STIM1: variants seen among roughly 807,000 people sequenced by gnomAD.
The protein encoded by STIM1 is stromal interaction molecule 1.
Under a neutral mutation model 74.7 loss-of-function variants are expected in STIM1, and 25 were observed. The ratio of observed to expected loss-of-function variants is 0.33; its 90% CI spans 0.24 to 0.47. The LOEUF (loss-of-function observed/expected upper bound fraction) is 0.47. Among genes scored for constraint, STIM1 ranks in the 20% least tolerant of loss-of-function variants. The pLI, the probability that STIM1 is intolerant of heterozygous loss-of-function variation, is 1.00. For synonymous variants in STIM1, 328 were observed against 348.8 expected, an observed-to-expected ratio of 0.94 and a Z score of 0.66; for missense variants, 728 against 920.8, an observed-to-expected ratio of 0.79 and a Z score of 2.71.
chr11:3,920,801 T>A lies in STIM1; in HGVS notation c.140-46751T>A, dbSNP rs573992305. 6.9e-3 allele frequency among the ~76,000 whole-genome samples: 1,041 copies of A among 151,878 alleles called. 8 individuals are homozygous for A. Among genetic ancestry groups the A allele is most frequent in the African/African-American group, 0.019 (788 of 41,398 alleles). On this transcript the variant is annotated intron_variant, in intron 1 of 12. Coordinates refer to ENST00000526596, the MANE Select transcript of STIM1 (RefSeq NM_001382567.1). ...AGTATCTTTTTTTTTTTATTTTTTT[T>A]AATTTTTTTTTTGAGATGGAGCCTT... is the stretch of plus-strand genomic sequence containing the variant.
At position 4,023,936 on chromosome 11, in the gene STIM1, G is replaced by T; in HGVS notation, c.334G>T (p.Asp112Tyr). The T allele has an allele frequency of 1.2e-6, 2 of 1,614,104 alleles. No individual in the cohort carries two copies. Among genetic ancestry groups the T allele is most frequent in the Non-Finnish European group, 1.7e-6 (2 of 1,179,998 alleles). ...TVKHSTFHGE[D>Y]KLISVEDLWK... is the part of the protein sequence containing the mutation. ...GAAACACAGCACCTTCCATGGTGAG[G>T]ATAAGCTCATCAGCGTGGAGGACCT... Residue 112 changes from aspartate (D) to tyrosine (Y), a missense_variant, in exon 3 of 13, where the codon GAT becomes TAT. Physicochemically the swap from Asp to Tyr is radical, Grantham distance 160. Coordinates refer to ENST00000526596, the MANE Select transcript of STIM1 (RefSeq NM_001382567.1).
intron 1 of STIM1, among the ~76,000 whole-genome samples, chr11:3,948,502 T>C (rs948661790): frequency 6.6e-6 from 1 of 152,208 alleles, no homozygotes; most frequent in Non-Finnish European, 1.5e-5. Flanking sequence ...TATTATGCCG[T>C]ATTTTACAGA....
At chr11:3,862,655 C>T (rs1416656326) in intron 1 of STIM1, among the ~76,000 whole-genome samples, 8 of 152,004 alleles carry the variant, frequency 5.3e-5, no homozygotes, top group Non-Finnish European at 1.2e-4. Flanking sequence ...ACTGTGTTAG[C>T]CAGGATGGTC....
At chr11:3,901,883 C>T (rs2092358309) in intron 1 of STIM1, among the ~76,000 whole-genome samples, 1 of 152,228 alleles carries the variant, frequency 6.6e-6, no homozygotes, top group Non-Finnish European at 1.5e-5. Flanking sequence ...GCCCCAGGCT[C>T]CAGTCTCCTG....
chr11:3,881,851 T>C (rs1174199425), intron 1 of STIM1, among the ~76,000 whole-genome samples: 1 of 151,856 alleles, frequency 6.6e-6, no homozygotes, highest in Non-Finnish European at 1.5e-5. Context: ...TTTTGTATTT[T>C]TACTAGAGAC....
At chr11:4,013,137 T>G (rs2093856261) in intron 2 of STIM1, among the ~76,000 whole-genome samples, 1 of 152,254 alleles carries the variant, frequency 6.6e-6, no homozygotes. Flanking sequence ...AGTATTTTAT[T>G]GAGGATTTTT....
chr11:3,866,487 C>T (rs1357102898), intron 1 of STIM1, among the ~76,000 whole-genome samples: 3 of 147,172 alleles, frequency 2.0e-5, no homozygotes, highest in African/African-American at 5.0e-5. Context: ...AGTGCAGTGG[C>T]GTAATCTTGG....
Position 4,074,671 on chromosome 11 carries a change from T to C in STIM1, c.961T>C (p.Leu321=), listed in dbSNP as rs922265887. 1.3e-6 allele frequency: 2 copies of C among 1,557,310 alleles called. No homozygotes were observed. Among genetic ancestry groups the C allele is most frequent in the African/African-American group, 1.4e-5 (1 of 73,070 alleles). ...RSRQKYAEEE[L]EQVREALRKA... Reference sequence around the variant, plus strand: ...CCGCCAAAAATATGCTGAGGAGGAGTTGGAGCAGGTAGGAGAGTCCACAAA... The same window carrying C: ...CCGCCAAAAATATGCTGAGGAGGAGCTGGAGCAGGTAGGAGAGTCCACAAA... Residue 321 remains leucine (L), a synonymous_variant, in exon 7 of 13, where the codon TTG becomes CTG. Coordinates refer to ENST00000526596, the MANE Select transcript of STIM1 (RefSeq NM_001382567.1).
chr11:4,027,321 C>CT (rs1565153019), intron 3 of STIM1, among the ~76,000 whole-genome samples: 2 of 151,456 alleles, frequency 1.3e-5, no homozygotes, highest in African/African-American at 2.4e-5. Context: ...TTTCTTTTTT[C>CT]TTTTTTTTGA....
intron 1 of STIM1, among the ~76,000 whole-genome samples, chr11:3,865,537 T>G (rs2090821510): frequency 6.6e-6 from 1 of 152,224 alleles, no homozygotes; most frequent in African/African-American, 2.4e-5. Context: ...TAGAAAGCTT[T>G]TTTATTAGGC....
intron 1 of STIM1, among the ~76,000 whole-genome samples, chr11:3,932,107 G>T (rs563878324): frequency 1.3e-5 from 2 of 152,064 alleles, no homozygotes; most frequent in African/African-American, 4.8e-5. Flanking sequence ...ACCTTGTTCA[G>T]CCCGCCACTA....
intron 2 of STIM1, among the ~76,000 whole-genome samples, chr11:3,982,844 G>T (rs780078781): frequency 6.6e-6 from 1 of 152,060 alleles, no homozygotes; most frequent in Non-Finnish European, 1.5e-5. Flanking sequence ...GTCACCTTTC[G>T]CTTGCCTTTC....
intron 1 of STIM1, among the ~76,000 whole-genome samples, chr11:3,863,266 G>A (rs1315208852): frequency 6.9e-5 from 3 of 43,686 alleles, no homozygotes; most frequent in Non-Finnish European, 1.2e-4. Context: ...GTGTGTGTGT[G>A]TATGTATTTG....
At chr11:3,908,726 G>A (rs1316261425) in intron 1 of STIM1, among the ~76,000 whole-genome samples, 1 of 152,114 alleles carries the variant, frequency 6.6e-6, no homozygotes, top group Non-Finnish European at 1.5e-5. Context: ...GATGGCTTAT[G>A]GCTTATAAAT....
chr11:3,936,238 G>A (rs1473730813), intron 1 of STIM1, among the ~76,000 whole-genome samples: 1 of 152,210 alleles, frequency 6.6e-6, no homozygotes, highest in Non-Finnish European at 1.5e-5. Context: ...AATCCATGCT[G>A]TGTGACTGCA....
chr11:3,870,650 C>T (rs1307172579), intron 1 of STIM1, among the ~76,000 whole-genome samples: 7 of 151,998 alleles, frequency 4.6e-5, no homozygotes. Flanking sequence ...GTGTGTACCA[C>T]CATGCCTGGC....
intron 1 of STIM1, among the ~76,000 whole-genome samples, chr11:3,881,625 C>T (rs528317524): frequency 1.2e-4 from 19 of 152,198 alleles, no homozygotes; most frequent in Admixed American, 9.2e-4. Context: ...CCCATCTCAG[C>T]CTCCCAAAGT....
intron 1 of STIM1, among the ~76,000 whole-genome samples, chr11:3,889,902 T>C (rs187804089): frequency 1.3e-5 from 2 of 152,222 alleles, no homozygotes; most frequent in African/African-American, 4.8e-5. Context: ...GACAGGTAAA[T>C]AGGCATTACA....
At chr11:3,931,639 T>A (rs2092861345) in intron 1 of STIM1, among the ~76,000 whole-genome samples, 1 of 152,194 alleles carries the variant, frequency 6.6e-6, no homozygotes, top group African/African-American at 2.4e-5. Context: ...TAAATGGGGA[T>A]CTGCTATAGA....
Sources: gnomAD v4.1 joint callset for allele counts (sites outside exome capture counted in the v4.1 genomes callset) on GRCh38, gnomAD v4.1.1 for gene constraint, MANE v1.5 for transcripts, NCBI Gene and HGNC (gene_info 2026-07-23, HGNC 2026-07-21) for gene names.